Variants in FRMPD3 observed in about 807,000 individuals in gnomAD.
FRMPD3 encodes FERM and PDZ domain-containing protein 3.
Under a neutral mutation model 97.9 loss-of-function variants are expected in FRMPD3, and 42 were observed. That is an observed-to-expected ratio of 0.43 (90% confidence interval 0.34 to 0.55). FRMPD3 has a LOEUF of 0.55. Ranked by LOEUF, FRMPD3 falls within the 20% of genes least tolerant of loss-of-function variation. FRMPD3 has a pLI of 0.03. For missense variants in FRMPD3, 1,303 were observed against 1,457.7 expected (o/e 0.89, Z 1.73); for synonymous variants, 577 against 581.1 (o/e 0.99, Z 0.10).
chrX:107,525,410 T>C (rs1207493289), intron 1 of FRMPD3, among the ~76,000 whole-genome samples: 1 of 112,641 alleles, frequency 8.9e-6, no homozygotes, highest in East Asian at 2.8e-4. Flanking sequence ...GTTTGAATAC[T>C]ACACTCAGAC....
intron 12 of FRMPD3, among the ~76,000 whole-genome samples, chrX:107,571,275 TAAA>T (rs1201716792): frequency 3.6e-5 from 4 of 112,529 alleles, no homozygotes; most frequent in Admixed American, 1.9e-4. Context: ...CTATCTAAAA[TAAA>T]AAATTGTTTT....
intron 1 of FRMPD3, among the ~76,000 whole-genome samples, chrX:107,525,897 G>A (rs1489232020): frequency 3.6e-5 from 4 of 110,110 alleles, no homozygotes; most frequent in Admixed American, 1.9e-4. Context: ...CCAACATGGC[G>A]AAACCCCACC....
chrX:107,545,541 G>A (rs1250626287), intron 4 of FRMPD3, 196 bp from the exon 5 acceptor site: 1 of 386,340 alleles, frequency 2.6e-6, no homozygotes. Context: ...ATGCCCAGCT[G>A]TTTCAGAACA....
intron 4 of FRMPD3, among the ~76,000 whole-genome samples, chrX:107,544,316 A>G (rs1296905116): frequency 1.8e-5 from 2 of 111,610 alleles, no homozygotes; most frequent in Non-Finnish European, 3.8e-5. Flanking sequence ...TTTGAGATCT[A>G]TTGCACAGCA....
At chrX:107,509,311 A>G (rs1318967887) in intron 1 of FRMPD3, among the ~76,000 whole-genome samples, 1 of 112,039 alleles carries the variant, frequency 8.9e-6, no homozygotes, top group African/African-American at 3.2e-5. Context: ...CTGGATCTCA[A>G]TGCATCTGCT....
At chrX:107,553,750 C>A (rs1232878495) in intron 7 of FRMPD3, among the ~76,000 whole-genome samples, 1 of 111,760 alleles carries the variant, frequency 8.9e-6, no homozygotes, top group Non-Finnish European at 1.9e-5. Flanking sequence ...TTGTGGGAGT[C>A]CTGCCTGGAG....
intron 13 of FRMPD3, among the ~76,000 whole-genome samples, chrX:107,584,735 A>T (rs965228746): frequency 8.9e-6 from 1 of 111,876 alleles, no homozygotes; most frequent in African/African-American, 3.2e-5. Flanking sequence ...ATCAGGTTCA[A>T]TGAAGATAAG....
chrX:107,509,339 G>A (rs2074533607), intron 1 of FRMPD3, among the ~76,000 whole-genome samples: 1 of 111,736 alleles, frequency 8.9e-6, no homozygotes, highest in African/African-American at 3.3e-5. Flanking sequence ...CACCCTTCCT[G>A]CCTCCTCTCA....
At position 107,603,774 on chromosome X, in the gene FRMPD3, G is replaced by A. The variant is rs752273343; in HGVS notation, c.*401G>A. On this transcript the variant is annotated 3_prime_UTR_variant, in exon 15 of 15. Transcript: ENST00000683843. ...CAGGCTTTGAGCTCCTCGTGGCATC[G>A]GCTCCCCTGCTGGGAGCAGTGGCAG... The A allele has an allele frequency of 7.3e-6, 1 of 136,416 alleles. No individual in the cohort carries two copies. The highest frequency in any genetic ancestry group is 1.5e-5 in the Non-Finnish European group (1 of 68,648). 11.2% of individuals were successfully genotyped at this position (136,416 alleles called of 1,213,427 possible). A position where few individuals can be genotyped will look rare whatever the true frequency, so the allele number is the denominator to read the frequency against.
intron 5 of FRMPD3, among the ~76,000 whole-genome samples, chrX:107,546,462 A>C (rs972027220): frequency 1.7e-4 from 19 of 111,921 alleles, no homozygotes; most frequent in Non-Finnish European, 7.5e-5. Context: ...AAAATCTACT[A>C]CGGGGTGGTA....
chrX:107,572,103 A>G (rs1290447489), intron 12 of FRMPD3, among the ~76,000 whole-genome samples: 2 of 112,110 alleles, frequency 1.8e-5, no homozygotes, highest in East Asian at 2.8e-4. Context: ...GAGGGCAGGA[A>G]CTAGGTTGGC....
chrX:107,510,972 C>T (rs769762349), intron 1 of FRMPD3, among the ~76,000 whole-genome samples: 1 of 112,592 alleles, frequency 8.9e-6, no homozygotes, highest in South Asian at 3.7e-4. Flanking sequence ...GCTTCAGATA[C>T]AACCTGCATC....
At chrX:107,488,400 A>G (rs1209014890) in intron 1 of FRMPD3, among the ~76,000 whole-genome samples, 1 of 112,498 alleles carries the variant, frequency 8.9e-6, no homozygotes, top group Non-Finnish European at 1.9e-5. Flanking sequence ...AAGTTGGCAA[A>G]GCATTTGGAA....
Position 107,466,850 on chromosome X carries a change from T to A in FRMPD3, c.-8+16845T>A, listed in dbSNP as rs569727755. Among the ~76,000 whole-genome samples the A allele has an allele frequency of 1.3e-4, 14 of 111,638 alleles. No homozygotes were observed. The South Asian group carries it at 4.9e-3, about 39-fold the overall frequency. ...TTAGCCAAGAGACTCTAAGAGGAGT[T>A]GACATCAGAAAGGCCAAGAAAGGAC... On this transcript the variant is annotated intron_variant, in intron 1 of 14. Coordinates refer to ENST00000683843, the MANE Select transcript of FRMPD3 (RefSeq NM_001388459.1).
chrX:107,562,640 G>T (rs749017446), intron 10 of FRMPD3, among the ~76,000 whole-genome samples: 1 of 112,264 alleles, frequency 8.9e-6, no homozygotes, highest in Non-Finnish European at 1.9e-5. Context: ...TGACTCACAG[G>T]TTTCTGGCTT....
chrX:107,552,564 C>T (rs1370109819), intron 6 of FRMPD3, among the ~76,000 whole-genome samples: 1 of 111,939 alleles, frequency 8.9e-6, no homozygotes, highest in African/African-American at 3.2e-5. Context: ...AAACACCTAC[C>T]TCTAACCCCC....
intron 1 of FRMPD3, among the ~76,000 whole-genome samples, chrX:107,457,246 A>G (rs1424957581): frequency 2.7e-5 from 3 of 110,805 alleles, no homozygotes; most frequent in African/African-American, 6.6e-5. Context: ...AGATAATACT[A>G]TCTTTCCCAG....
intron 1 of FRMPD3, among the ~76,000 whole-genome samples, chrX:107,496,809 C>T (rs1389383060): frequency 1.8e-5 from 2 of 112,180 alleles, no homozygotes; most frequent in Non-Finnish European, 3.8e-5. Flanking sequence ...GAAAAAGCCA[C>T]AGCCACCTGA....
intron 4 of FRMPD3, among the ~76,000 whole-genome samples, chrX:107,542,813 G>T (rs766007655): frequency 1.8e-5 from 2 of 111,843 alleles, no homozygotes; most frequent in South Asian, 7.6e-4. Flanking sequence ...TTAACACAAA[G>T]AAATTCCTGA....
Sources: allele counts gnomAD v4.1 joint callset (sites outside exome capture counted in the v4.1 genomes callset), GRCh38; gene constraint gnomAD v4.1.1; transcripts MANE v1.5; gene names NCBI Gene and HGNC (gene_info 2026-07-23, HGNC 2026-07-21).